EXT1: variants seen among roughly 807,000 people sequenced by gnomAD.
The protein encoded by EXT1 is exostosin glycosyltransferase 1.
Under a neutral mutation model 82.5 loss-of-function variants are expected in EXT1, and 20 were observed. That is an observed-to-expected ratio of 0.24 (90% CI 0.17 to 0.35). The LOEUF (loss-of-function observed/expected upper bound fraction) is 0.35, where lower values mean the gene tolerates loss of function less well. Among genes scored for constraint, EXT1 ranks in the 10% least tolerant of loss-of-function variants. The probability of loss-of-function intolerance (pLI) is 1.00; values close to 1 mark genes in which losing one functional copy is unlikely to be tolerated. For missense variants in EXT1, 757 were observed against 936.5 expected, an observed-to-expected ratio of 0.81 and a Z score of 2.50; for synonymous variants, 348 against 350.8, an observed-to-expected ratio of 0.99 and a Z score of 0.09.
chr8:117,924,568 T>G (rs1465472918), intron 1 of EXT1, among the ~76,000 whole-genome samples: 1 of 152,216 alleles, frequency 6.6e-6, no homozygotes, highest in Admixed American at 6.5e-5. Flanking sequence ...ATTGTTCTCC[T>G]TGGTTACATC....
intron 1 of EXT1, among the ~76,000 whole-genome samples, chr8:118,030,378 A>G (rs1816287355): frequency 6.6e-6 from 1 of 152,256 alleles, no homozygotes; most frequent in African/African-American, 2.4e-5. Flanking sequence ...TGCGTACACC[A>G]TATAAATAGT....
intron 9 of EXT1, among the ~76,000 whole-genome samples, chr8:117,806,515 C>A (rs1159683322): frequency 6.6e-6 from 1 of 152,210 alleles, no homozygotes; most frequent in Non-Finnish European, 1.5e-5. Context: ...TGCCCCCTGA[C>A]TTTTCTGACT....
At chr8:117,951,556 G>T (rs1015760058) in intron 1 of EXT1, among the ~76,000 whole-genome samples, 6 of 152,212 alleles carry the variant, frequency 3.9e-5, no homozygotes, top group African/African-American at 1.4e-4. Context: ...GATACCTGCT[G>T]CCTATGGAAA....
At chr8:117,923,730 A>C (rs1446816951) in intron 1 of EXT1, among the ~76,000 whole-genome samples, 1 of 151,986 alleles carries the variant, frequency 6.6e-6, no homozygotes, top group African/African-American at 2.4e-5. Flanking sequence ...TGTCTCAAAA[A>C]AAAAAAAAAA....
chr8:118,045,401 G>A (rs1198619441), intron 1 of EXT1, among the ~76,000 whole-genome samples: 1 of 152,168 alleles, frequency 6.6e-6, no homozygotes, highest in Non-Finnish European at 1.5e-5. Flanking sequence ...AGATGGGATG[G>A]TAGCAGTGGT....
intron 1 of EXT1, among the ~76,000 whole-genome samples, chr8:118,000,909 C>G (rs1815652457): frequency 6.6e-6 from 1 of 152,110 alleles, no homozygotes; most frequent in Non-Finnish European, 1.5e-5. Flanking sequence ...ACAATTAAAA[C>G]TGGGGAGCCC....
intron 1 of EXT1, among the ~76,000 whole-genome samples, chr8:117,890,303 T>C (rs1390803465): frequency 6.6e-6 from 1 of 152,204 alleles, no homozygotes; most frequent in Admixed American, 6.5e-5. Context: ...CAATTTTGCT[T>C]CCCAAGAAAC....
chr8:117,961,268 C>T (rs1156272102), intron 1 of EXT1, among the ~76,000 whole-genome samples: 1 of 152,156 alleles, frequency 6.6e-6, no homozygotes, highest in East Asian at 1.9e-4. Context: ...CCTCAGCCTC[C>T]AGAACAGCTG....
chr8:117,940,125 G>C (rs572878081), intron 1 of EXT1, among the ~76,000 whole-genome samples: 2 of 152,220 alleles, frequency 1.3e-5, no homozygotes, highest in Non-Finnish European at 2.9e-5. Flanking sequence ...TTTACCAACT[G>C]TCAGATTCTG....
At chr8:117,894,038 C>T (rs951969177) in intron 1 of EXT1, among the ~76,000 whole-genome samples, 45 of 152,160 alleles carry the variant, frequency 3.0e-4, no homozygotes, top group African/African-American at 1.1e-3. Context: ...GGGCTATCTA[C>T]CCACTGACCC....
At position 117,799,732 on chromosome 8, in the gene EXT1, G is replaced by C; in HGVS notation, c.2221C>G (p.Arg741Gly). ...DQVSILRKKY[R>G]DIERL Reference sequence around the variant, plus strand: ...ATTCCTCAAAGTCGCTCAATGTCTCGGTATTTCTTCCTCAAAATAGAGACC... The same window carrying C: ...ATTCCTCAAAGTCGCTCAATGTCTCCGTATTTCTTCCTCAAAATAGAGACC... Residue 741 changes from arginine to glycine, a missense_variant, in exon 11 of 11, where the codon CGA (arginine) becomes GGA (glycine). Transcript: ENST00000378204. 6.2e-7 allele frequency: 1 copy of C among 1,614,008 alleles called. No individual in the cohort carries two copies. The highest frequency in any genetic ancestry group is 8.5e-7 in the Non-Finnish European group (1 of 1,180,002).
At chr8:118,025,143 G>C (rs17476463) in intron 1 of EXT1, among the ~76,000 whole-genome samples, 4,123 of 152,240 alleles carry the variant, frequency 0.027, 170 homozygotes, top group African/African-American at 0.09. Context: ...AGAGTGGGAA[G>C]GGACAGGAGT....
intron 1 of EXT1, among the ~76,000 whole-genome samples, chr8:118,108,295 T>C (rs1472403683): frequency 1.3e-5 from 2 of 152,242 alleles, no homozygotes; most frequent in South Asian, 2.1e-4. Context: ...TTAGCCCTTT[T>C]AGAAGGATGA....
rs56879311 is a variant in EXT1, at chr8:117,911,091, C to A, written c.963-73890G>T. ...ACACGTGCTCTCCAACCTTCAGCAT[C>A]CTCAGCTGTAAATGGACTAACAGCA... On this transcript the variant is annotated intron_variant, in intron 1 of 10. Transcript: ENST00000378204. 1.9e-3 allele frequency among the ~76,000 whole-genome samples: 291 copies of A among 152,334 alleles called. 2 individuals are homozygous for A. The highest frequency in any genetic ancestry group is 6.4e-3 in the African/African-American group (265 of 41,570).
chr8:118,039,078 C>G (rs1000238289), intron 1 of EXT1, among the ~76,000 whole-genome samples: 1 of 152,212 alleles, frequency 6.6e-6, no homozygotes, highest in Non-Finnish European at 1.5e-5. Flanking sequence ...CTAATTCACT[C>G]CACTGTATCC....
chr8:117,845,851 C>A (rs1460868689), intron 1 of EXT1, among the ~76,000 whole-genome samples: 2 of 152,132 alleles, frequency 1.3e-5, no homozygotes, highest in African/African-American at 4.8e-5. Context: ...TGTGCCTTAT[C>A]TTTACCACCA....
chr8:117,875,307 G>C (rs1427650094), intron 1 of EXT1, among the ~76,000 whole-genome samples: 1 of 152,110 alleles, frequency 6.6e-6, no homozygotes, highest in Non-Finnish European at 1.5e-5. Context: ...TGTAATCCCA[G>C]ATACTCGGGA....
chr8:118,075,434 T>C (rs114633734), intron 1 of EXT1, among the ~76,000 whole-genome samples: 106 of 152,282 alleles, frequency 7.0e-4, no homozygotes, highest in African/African-American at 2.5e-3. Flanking sequence ...ATGTTTGTAA[T>C]GAGGGGACGC....
chr8:117,899,385 G>A (rs976850202), intron 1 of EXT1, among the ~76,000 whole-genome samples: 1 of 152,196 alleles, frequency 6.6e-6, no homozygotes, highest in African/African-American at 2.4e-5. Flanking sequence ...TATCTTCCCC[G>A]TACTTAAGAA....
Sources: gnomAD v4.1 joint callset for allele counts (sites outside exome capture counted in the v4.1 genomes callset) on GRCh38, gnomAD v4.1.1 for gene constraint, MANE v1.5 for transcripts, NCBI Gene and HGNC (gene_info 2026-07-23, HGNC 2026-07-21) for gene names.